Variants in POU2F1 observed in about 807,000 individuals in gnomAD.
POU2F1 encodes POU class 2 homeobox 1.
A neutral mutation model predicts 84.9 loss-of-function variants in POU2F1; 16 were observed. That is an observed-to-expected ratio of 0.19 (90% CI 0.13 to 0.29). The LOEUF is 0.29. Among genes scored for constraint, POU2F1 ranks in the 10% least tolerant of loss-of-function variants. The pLI is 1.00. For synonymous variants in POU2F1, 368 were observed against 368.3 expected (o/e 1.00, Z 0.01); for missense variants, 738 against 942.6 (o/e 0.78, Z 2.84).
In POU2F1 at chr1:167,299,261, A is replaced by G. The variant is rs574515702; in HGVS notation, c.62-33209A>G. On this transcript the variant is annotated intron_variant, in intron 1 of 15. Transcript: ENST00000367866. ...GGTTAAAGGATAAAATGAAAAGTGT[A>G]TCTTGTAGTATATATGAAGGCAGTG... Among the ~76,000 whole-genome samples, 24 of 152,024 alleles carry G rather than the reference A, an allele frequency of 1.6e-4. No homozygotes were observed. The South Asian group carries it at 5.0e-3, about 32-fold the overall frequency.
At chr1:167,341,268 G>A (rs1657829066) in intron 2 of POU2F1, among the ~76,000 whole-genome samples, 1 of 151,816 alleles carries the variant, frequency 6.6e-6, no homozygotes, top group South Asian at 2.1e-4. Flanking sequence ...TTATAATGCA[G>A]GTAAAAAGGA....
chr1:167,280,360 G>GTTT (rs775992023), intron 1 of POU2F1, among the ~76,000 whole-genome samples: 1 of 139,744 alleles, frequency 7.2e-6, no homozygotes, highest in African/African-American at 2.6e-5. Flanking sequence ...GTTATGTAGG[G>GTTT]TTTTTTTTTT....
At chr1:167,375,933 A>G (rs899693814) in intron 6 of POU2F1, 96 bp from the exon 7 acceptor site, 2 of 1,411,910 alleles carry the variant, frequency 1.4e-6, no homozygotes, top group Non-Finnish European at 2.0e-6. Context: ...ACTCTTCTTT[A>G]TTTGGATGTG....
In POU2F1 at chr1:167,259,406, G is replaced by T. The variant is rs74119419; in HGVS notation, c.61+38448G>T. The stretch of plus-strand genomic sequence containing the variant: ...TTAGTAAACCATCTACCGCAATTCA[G>T]TTTCATGACCGTGTGGTATTTTGTT... On this transcript the variant is annotated intron_variant, in intron 1 of 15. Transcript: ENST00000367866. Among the ~76,000 whole-genome samples the T allele has an allele frequency of 8.4e-3, 1,284 of 152,300 alleles. 18 individuals are homozygous for T. The highest frequency in any genetic ancestry group is 0.029 in the African/African-American group (1,191 of 41,554).
At chr1:167,267,711 G>C (rs1472117366) in intron 1 of POU2F1, among the ~76,000 whole-genome samples, 1 of 117,850 alleles carries the variant, frequency 8.5e-6, no homozygotes, top group East Asian at 2.9e-4. Context: ...GTGCGATCTT[G>C]ACTCACTGCA....
chr1:167,386,313 GCCT>G (rs1270917160), intron 8 of POU2F1, among the ~76,000 whole-genome samples: 1 of 152,142 alleles, frequency 6.6e-6, no homozygotes, highest in Non-Finnish European at 1.5e-5. Flanking sequence ...TCCCGCATCA[GCCT>G]CCTGAGTAGC....
chr1:167,319,237 T>G (rs1399049431), intron 1 of POU2F1, among the ~76,000 whole-genome samples: 1 of 152,208 alleles, frequency 6.6e-6, no homozygotes, highest in Non-Finnish European at 1.5e-5. Flanking sequence ...GGTTTTGGCC[T>G]GGAGAAACAC....
At chr1:167,276,986 CTAAG>C (rs1652773166) in intron 1 of POU2F1, among the ~76,000 whole-genome samples, 2 of 152,154 alleles carry the variant, frequency 1.3e-5, no homozygotes, top group Non-Finnish European at 2.9e-5. Flanking sequence ...TACTGCCAGT[CTAAG>C]CCATGGAATA....
chr1:167,232,737 G>A (rs558783562), intron 1 of POU2F1, among the ~76,000 whole-genome samples: 57 of 152,156 alleles, frequency 3.7e-4, no homozygotes, highest in Middle Eastern at 6.8e-3. Flanking sequence ...CAGCTACTCG[G>A]GAGGCTGAGG....
rs1014490388 is a variant in POU2F1 at position 167,422,083 on chromosome 1, T to C, written c.*6273T>C. 1 of 152,240 alleles carries C rather than the reference T, an allele frequency of 6.6e-6. No individual in the cohort carries two copies. Among genetic ancestry groups the C allele is most frequent in the Admixed American group, 6.5e-5 (1 of 15,278 alleles). 9.4% of individuals were successfully genotyped at this position (152,240 alleles called of 1,614,324 possible). A position where few individuals can be genotyped will look rare whatever the true frequency, so the allele number is the denominator to read the frequency against. On this transcript the variant is annotated 3_prime_UTR_variant, in exon 16 of 16. Coordinates refer to ENST00000367866, the MANE Select transcript of POU2F1 (RefSeq NM_002697.4). Reference sequence around the variant, plus strand: ...TGTGTGGTGGCATGCAGGTAACATATGGGGTGTCCAGTAGGTTCAGGGACC... The same window carrying C: ...TGTGTGGTGGCATGCAGGTAACATACGGGGTGTCCAGTAGGTTCAGGGACC...
intron 1 of POU2F1, among the ~76,000 whole-genome samples, chr1:167,238,756 A>G (rs1051745404): frequency 5.9e-5 from 9 of 152,268 alleles, no homozygotes; most frequent in African/African-American, 1.9e-4. Context: ...GTACAAGGTT[A>G]CTGGCATAGG....
At chr1:167,305,249 G>A (rs61806109) in intron 1 of POU2F1, among the ~76,000 whole-genome samples, 3 of 150,870 alleles carry the variant, frequency 2.0e-5, no homozygotes, top group South Asian at 2.1e-4. Flanking sequence ...GTGCAGTGGC[G>A]AGATCTCCAC....
chr1:167,331,399 G>A (rs943279039), intron 1 of POU2F1, among the ~76,000 whole-genome samples: 2 of 151,988 alleles, frequency 1.3e-5, no homozygotes, highest in South Asian at 2.1e-4. Context: ...TTAAGCAGAT[G>A]AAAAAATGTG....
chr1:167,243,592 C>T (rs1280851932), intron 1 of POU2F1, among the ~76,000 whole-genome samples: 3 of 152,206 alleles, frequency 2.0e-5, no homozygotes, highest in African/African-American at 7.2e-5. Flanking sequence ...TCTTCTGCCT[C>T]AGCCTCCCGA....
chr1:167,233,163 T>TCTAG (rs754954163), intron 1 of POU2F1, among the ~76,000 whole-genome samples: 16 of 150,366 alleles, frequency 1.1e-4, no homozygotes, highest in Non-Finnish European at 2.1e-4. Flanking sequence ...TTAAGTAGGG[T>TCTAG]CTAGCTCTGT....
chr1:167,407,742 A>G (rs768831330), intron 13 of POU2F1, among the ~76,000 whole-genome samples: 22 of 152,246 alleles, frequency 1.4e-4, no homozygotes, highest in Admixed American at 7.8e-4. Flanking sequence ...TACACCGTGC[A>G]TAAAAATTAA....
At chr1:167,357,731 T>C (rs529357178) in intron 2 of POU2F1, among the ~76,000 whole-genome samples, 1 of 152,040 alleles carries the variant, frequency 6.6e-6, no homozygotes, top group African/African-American at 2.4e-5. Flanking sequence ...CTAAGAGTTT[T>C]ATGCATCTTT....
intron 1 of POU2F1, chr1:167,241,732 G>A (rs530663773): frequency 5.8e-4 from 88 of 152,246 alleles, no homozygotes; most frequent in African/African-American, 1.8e-3. Flanking sequence ...GAATTGTCTC[G>A]TTTAATCTTC....
chr1:167,243,285 G>A (rs1650048425), intron 1 of POU2F1, among the ~76,000 whole-genome samples: 1 of 152,182 alleles, frequency 6.6e-6, no homozygotes, highest in Non-Finnish European at 1.5e-5. Flanking sequence ...TCTAGGCTCT[G>A]AGAAGTTAAC....
Sources: allele counts gnomAD v4.1 joint callset (sites outside exome capture counted in the v4.1 genomes callset), GRCh38; gene constraint gnomAD v4.1.1; transcripts MANE v1.5; gene names NCBI Gene and HGNC (gene_info 2026-07-23, HGNC 2026-07-21).